The following SLC14A2 variants were observed in gnomAD, a reference collection of about 807,000 sequenced individuals.
The protein encoded by SLC14A2 is urea transporter 2.
Under a neutral mutation model 104.6 loss-of-function variants are expected in SLC14A2, and 91 were observed. The observed-to-expected ratio is 0.87, with a 90% CI of 0.73 to 1.04. The LOEUF is 1.04. SLC14A2 is among the 50% of genes least tolerant of loss of function. The pLI, the probability that SLC14A2 is intolerant of heterozygous loss-of-function variation, is 0.00. For synonymous variants in SLC14A2, 476 were observed against 466.4 expected, an observed-to-expected ratio of 1.02 and a Z score of -0.27; for missense variants, 1,189 against 1,156.0, an observed-to-expected ratio of 1.03 and a Z score of -0.41.
At chr18:45,301,430 A>T (rs997139401) in intron 1 of SLC14A2, among the ~76,000 whole-genome samples, 2 of 152,208 alleles carry the variant, frequency 1.3e-5, no homozygotes, top group Admixed American at 1.3e-4. Flanking sequence ...TAGTCCGTGG[A>T]GTCCCACCCA....
chr18:45,465,763 A>C (rs1160818056), intron 1 of SLC14A2, among the ~76,000 whole-genome samples: 2 of 152,184 alleles, frequency 1.3e-5, no homozygotes, highest in Non-Finnish European at 2.9e-5. Context: ...CTATGACGGG[A>C]GGAGCAGCCA....
chr18:45,487,606 G>A (rs2087633397), intron 2 of SLC14A2, among the ~76,000 whole-genome samples: 1 of 152,126 alleles, frequency 6.6e-6, no homozygotes, highest in Admixed American at 6.5e-5. Context: ...ATCAAACTCT[G>A]AGATGAAGGT....
chr18:45,264,328 C>G (rs889177017), intron 1 of SLC14A2, among the ~76,000 whole-genome samples: 4 of 152,170 alleles, frequency 2.6e-5, no homozygotes, highest in Non-Finnish European at 4.4e-5. Flanking sequence ...CAACCTGACT[C>G]TCATTTTCTA....
chr18:45,553,271 G>A (rs2044080958), intron 2 of SLC14A2, among the ~76,000 whole-genome samples: 1 of 152,190 alleles, frequency 6.6e-6, no homozygotes, highest in African/African-American at 2.4e-5. Context: ...AAAAAGAATT[G>A]TACATACAAA....
intron 2 of SLC14A2, among the ~76,000 whole-genome samples, chr18:45,484,020 G>A (rs999604075): frequency 2.6e-5 from 4 of 152,184 alleles, no homozygotes; most frequent in African/African-American, 9.7e-5. Context: ...TAGAATAGCT[G>A]TTGTAACAGA....
At chr18:45,370,875 T>C (rs953883601) in intron 1 of SLC14A2, among the ~76,000 whole-genome samples, 3 of 152,076 alleles carry the variant, frequency 2.0e-5, no homozygotes, top group African/African-American at 7.2e-5. Context: ...AATCAGAAAT[T>C]CCTTTCAATT....
chr18:45,633,608 C>A lies in SLC14A2; in HGVS notation c.650+1130C>A, dbSNP rs184811878. On this transcript the variant is annotated intron_variant, in intron 5 of 19. Transcript: ENST00000255226. ...TCATGGTGAACCTTTGTCCCCCAGA[C>A]CCTGACTTCACATGTGTATACCACC... 4.9e-3 allele frequency among the ~76,000 whole-genome samples: 743 copies of A among 152,334 alleles called. 9 individuals carry two copies. The highest frequency in any genetic ancestry group is 0.017 in the African/African-American group (698 of 41,566).
intron 2 of SLC14A2, among the ~76,000 whole-genome samples, chr18:45,499,903 T>C (rs1414548084): frequency 1.3e-5 from 2 of 152,208 alleles, no homozygotes; most frequent in Non-Finnish European, 2.9e-5. Context: ...TTTCTCATCC[T>C]CTTCTTTGTC....
chr18:45,351,315 T>C (rs879424342), intron 1 of SLC14A2, among the ~76,000 whole-genome samples: 7 of 152,154 alleles, frequency 4.6e-5, no homozygotes, highest in South Asian at 2.1e-4. Context: ...CTCATTTTTT[T>C]CCCATGCAAG....
At chr18:45,441,411 A>G (rs2086680586) in intron 1 of SLC14A2, among the ~76,000 whole-genome samples, 2 of 152,158 alleles carry the variant, frequency 1.3e-5, no homozygotes, top group Admixed American at 6.5e-5. Context: ...TCAAAACCCT[A>G]AAAGAAGAAT....
At chr18:45,226,529 T>C (rs1023975829) in intron 1 of SLC14A2, among the ~76,000 whole-genome samples, 1 of 152,052 alleles carries the variant, frequency 6.6e-6, no homozygotes, top group Non-Finnish European at 1.5e-5. Context: ...GGGACATGGA[T>C]GAAGCTGGAA....
intron 16 of SLC14A2, among the ~76,000 whole-genome samples, chr18:45,670,170 C>G (rs2046105878): frequency 1.4e-5 from 2 of 139,424 alleles, no homozygotes; most frequent in Admixed American, 1.4e-4. Context: ...ACTGGTGCTT[C>G]TCAGTGTAAA....
At chr18:45,650,445 C>G (rs1482178568) in intron 10 of SLC14A2, among the ~76,000 whole-genome samples, 1 of 152,122 alleles carries the variant, frequency 6.6e-6, no homozygotes, top group Non-Finnish European at 1.5e-5. Context: ...GTGTAGCCTG[C>G]CCAGGGCCAT....
chr18:45,395,613 T>A (rs1320733627), intron 1 of SLC14A2, among the ~76,000 whole-genome samples: 2 of 152,182 alleles, frequency 1.3e-5, no homozygotes, highest in Non-Finnish European at 2.9e-5. Context: ...TTTTTTGTTT[T>A]GTTTTACAGA....
intron 1 of SLC14A2, among the ~76,000 whole-genome samples, chr18:45,369,317 T>C (rs953554550): frequency 2.6e-5 from 4 of 152,162 alleles, no homozygotes; most frequent in African/African-American, 9.7e-5. Context: ...ACAATAAGGG[T>C]GTTTGTTCTC....
intron 2 of SLC14A2, among the ~76,000 whole-genome samples, chr18:45,540,062 T>A (rs1295459972): frequency 6.6e-6 from 1 of 152,130 alleles, no homozygotes; most frequent in Non-Finnish European, 1.5e-5. Flanking sequence ...GTCTTTCCTT[T>A]CCTTTCTTTT....
At position 45,669,640 on chromosome 18, in the gene SLC14A2, G is replaced by A. The variant is rs529322221; in HGVS notation, c.2229+142G>A. 6 of 680,210 alleles carry A rather than the reference G, an allele frequency of 8.8e-6. No individual in the cohort carries two copies. The African/African-American group carries it at 1.1e-4, about 12-fold the overall frequency. 42.1% of individuals were successfully genotyped at this position (680,210 alleles called of 1,614,324 possible). A position where few individuals can be genotyped will look rare whatever the true frequency, so the allele number is the denominator to read the frequency against. On this transcript the variant is annotated intron_variant, in intron 16 of 19. Coordinates refer to ENST00000255226, the MANE Select transcript of SLC14A2 (RefSeq NM_007163.4). Reference sequence around the variant, plus strand: ...CAAGCATTCTACATATATATCTCATGAGCTGCCATCCTTTTCTACTTCTGA... The same window carrying A: ...CAAGCATTCTACATATATATCTCATAAGCTGCCATCCTTTTCTACTTCTGA...
the SLC14A2 span, among the ~76,000 whole-genome samples, chr18:45,202,863 A>G: frequency 1.3e-5 from 2 of 152,174 alleles, no homozygotes; most frequent in African/African-American, 4.8e-5. Context: ...ATCTTCCATC[A>G]GCTCAAAGAC....
intron 1 of SLC14A2, among the ~76,000 whole-genome samples, chr18:45,431,296 T>C (rs1292817781): frequency 1.3e-5 from 2 of 152,082 alleles, no homozygotes. Flanking sequence ...GATGAGTGTG[T>C]TGTGCGTGGT....
Sources: allele counts gnomAD v4.1 joint callset (sites outside exome capture counted in the v4.1 genomes callset), GRCh38; gene constraint gnomAD v4.1.1; transcripts MANE v1.5; gene names NCBI Gene and HGNC (gene_info 2026-07-23, HGNC 2026-07-21).